The following PRDM6 variants were observed in gnomAD, a reference collection of about 807,000 sequenced individuals.
PRDM6 encodes the protein putative histone-lysine N-methyltransferase PRDM6.
PRDM6 carries 25 observed loss-of-function variants against 60.8 expected under a neutral mutation model. The observed-to-expected ratio is 0.41, with a 90% CI of 0.30 to 0.57. The LOEUF (loss-of-function observed/expected upper bound fraction) is 0.57. Among genes scored for constraint, PRDM6 ranks in the 20% least tolerant of loss-of-function variants. The probability of loss-of-function intolerance (pLI) is 0.27; values close to 1 mark genes in which losing one functional copy is unlikely to be tolerated. For synonymous variants in PRDM6, 407 were observed against 357.4 expected (o/e 1.14, Z -1.57); for missense variants, 839 against 821.3 (o/e 1.02, Z -0.26).
Position 123,187,396 on chromosome 5 carries a change from A to T in PRDM6, c.*195A>T. 1 of 448,372 alleles carries T rather than the reference A, an allele frequency of 2.2e-6. No individual in the cohort carries two copies. The highest frequency in any genetic ancestry group is 4.1e-6 in the Non-Finnish European group (1 of 242,370). The allele number at this position is 448,372 out of a possible 1,614,324, so 27.8% of individuals were successfully genotyped here. A position where few individuals can be genotyped will look rare whatever the true frequency, so the allele number is the denominator to read the frequency against. On this transcript the variant is annotated 3_prime_UTR_variant, in exon 8 of 8. Coordinates refer to ENST00000407847, the MANE Select transcript of PRDM6 (RefSeq NM_001136239.4). ...AGACCAGGAAAGAGATTATTTATTT[A>T]TGACTTAGGGATGAGACTTATTTCA...
intron 3 of PRDM6, among the ~76,000 whole-genome samples, chr5:123,139,372 G>T (rs932577152): frequency 1.3e-5 from 2 of 152,042 alleles, no homozygotes; most frequent in African/African-American, 4.8e-5. Flanking sequence ...AGAATCTCTT[G>T]GTGGATTCCG....
chr5:123,101,696 A>T (rs146674225), intron 3 of PRDM6, among the ~76,000 whole-genome samples: 3 of 152,332 alleles, frequency 2.0e-5, no homozygotes, highest in African/African-American at 7.2e-5. Flanking sequence ...CAAAGACATA[A>T]ACATGAACAA....
In PRDM6 at chr5:123,090,314, C is replaced by T. The variant is rs1277991362; in HGVS notation, c.300C>T (p.Ala100=). 6.2e-6 allele frequency: 9 copies of T among 1,460,458 alleles called. No individual in the cohort carries two copies. In the East Asian group the frequency reaches 2.1e-4, roughly 34 times the overall value. 90.5% of individuals were successfully genotyped at this position (1,460,458 alleles called of 1,614,324 possible). ...CCGCCTCCTCCTGCGCTGCTGCGGC[C>T]GCTGCCGCCGCGCTGGCTGGTCTCT... ...ASSASSCAAA[A]AAAALAGLSA... The change falls in exon 2 of 8, where the codon GCC becomes GCT. Residue 100 remains alanine, a synonymous_variant. Transcript: ENST00000407847.
At chr5:123,147,738 G>T (rs1447779192) in intron 3 of PRDM6, among the ~76,000 whole-genome samples, 3 of 152,344 alleles carry the variant, frequency 2.0e-5, no homozygotes, top group Admixed American at 6.5e-5. Flanking sequence ...TAAAGGTTCA[G>T]TGGCTTGTTC....
chr5:123,183,217 G>A (rs764691808), intron 7 of PRDM6, among the ~76,000 whole-genome samples: 10 of 152,160 alleles, frequency 6.6e-5, no homozygotes, highest in African/African-American at 4.8e-5. Context: ...ACCCTCAACT[G>A]TATGTCTTGG....
Position 123,090,438 on chromosome 5 carries a change from A to G in PRDM6, c.424A>G (p.Thr142Ala). The G allele has an allele frequency of 6.9e-7, 1 of 1,451,044 alleles. No individual in the cohort carries two copies. The highest frequency in any genetic ancestry group is 9.0e-7 in the Non-Finnish European group (1 of 1,111,608). The allele number at this position is 1,451,044 out of a possible 1,614,324, so 89.9% of individuals were successfully genotyped here. A position where few individuals can be genotyped will look rare whatever the true frequency, so the allele number is the denominator to read the frequency against. The part of the protein sequence containing the change: ...LPPKELCLGA[T>A]SGPGPVKCGG... Reference sequence around the variant, plus strand: ...CCCCAAGGAACTGTGCCTCGGCGCCACCTCCGGCCCCGGGCCCGTCAAGTG... The same window carrying G: ...CCCCAAGGAACTGTGCCTCGGCGCCGCCTCCGGCCCCGGGCCCGTCAAGTG... The change falls in exon 2 of 8, where the codon ACC becomes GCC. Residue 142 changes from threonine to alanine, a missense_variant. By Grantham distance (58) the Thr-to-Ala change is moderately conservative. Around this residue, in one of 2 missense-constraint regions of PRDM6, gnomAD observed 730 missense variants for 648.8 expected, o/e 1.13. Coordinates refer to ENST00000407847, the MANE Select transcript of PRDM6 (RefSeq NM_001136239.4).
rs1210151055 is a variant in PRDM6 at position 123,180,211 on chromosome 5, G to A, written c.1561G>A (p.Val521Ile). 1 of 1,552,158 alleles carries A rather than the reference G, an allele frequency of 6.4e-7. No individual in the cohort carries two copies. The highest frequency in any genetic ancestry group is 1.2e-5 in the South Asian group (1 of 84,064). Residue 521 changes from valine (V) to isoleucine (I), a missense_variant, in exon 7 of 8, where the codon GTC becomes ATC. Physicochemically the swap from Val to Ile is conservative, Grantham distance 29 (BLOSUM62 3). Around this residue, in one of 2 missense-constraint regions of PRDM6, gnomAD observed 109 missense variants for 172.6 expected, o/e 0.63. Transcript: ENST00000407847. Reference sequence around the variant, plus strand: ...GCCTTCAGAACTGAGGAACCACGTGGTCACTCACTCTAGTGACCGGCCTTT... The same window carrying A: ...GCCTTCAGAACTGAGGAACCACGTGATCACTCACTCTAGTGACCGGCCTTT... ...SQPSELRNHV[V>I]THSSDRPFKC...
chr5:123,129,045 G>C (rs188937991), intron 3 of PRDM6, among the ~76,000 whole-genome samples: 102 of 152,084 alleles, frequency 6.7e-4, no homozygotes, highest in African/African-American at 2.4e-3. Context: ...TCTTATTTTT[G>C]TCAGGTTTGT....
intron 3 of PRDM6, among the ~76,000 whole-genome samples, chr5:123,127,041 C>CTT (rs1161596698): frequency 2.1e-5 from 3 of 144,220 alleles, no homozygotes; most frequent in Non-Finnish European, 3.1e-5. Context: ...CAACACTTAA[C>CTT]TTTTTTTTTT....
At chr5:123,109,435 T>TG (rs1463787634) in intron 3 of PRDM6, among the ~76,000 whole-genome samples, 2 of 152,188 alleles carry the variant, frequency 1.3e-5, no homozygotes, top group Non-Finnish European at 2.9e-5. Flanking sequence ...TTGTCTCTAG[T>TG]GGACTCTGCA....
intron 3 of PRDM6, among the ~76,000 whole-genome samples, chr5:123,137,172 T>C (rs751161896): frequency 1.2e-4 from 19 of 152,198 alleles, no homozygotes; most frequent in Non-Finnish European, 2.4e-4. Flanking sequence ...CTAAGTTACT[T>C]GCACATATGT....
At chr5:123,182,153 C>G (rs895588517) in intron 7 of PRDM6, among the ~76,000 whole-genome samples, 34 of 152,316 alleles carry the variant, frequency 2.2e-4, no homozygotes, top group African/African-American at 7.9e-4. Flanking sequence ...CTAATCCACC[C>G]TAAGGAGCTG....
chr5:123,141,071 C>G (rs1362857309), intron 3 of PRDM6, among the ~76,000 whole-genome samples: 4 of 151,908 alleles, frequency 2.6e-5, no homozygotes, highest in Non-Finnish European at 5.9e-5. Flanking sequence ...TGCAATTTAT[C>G]ATGATTATAC....
intron 3 of PRDM6, among the ~76,000 whole-genome samples, chr5:123,144,520 G>C (rs932453647): frequency 2.0e-5 from 3 of 152,034 alleles, no homozygotes; most frequent in Admixed American, 1.3e-4. Context: ...TGAATGGGGT[G>C]GGGGGATGGT....
In PRDM6 at chr5:123,099,474, C is replaced by T. The variant is rs1209100029; in HGVS notation, c.593-180C>T. ...TGCGGCGAATTCCAAGGGAGCGGCG[C>T]GGGTTCTCTTCTCCTCCTCCTCTGA... On this transcript the variant is annotated intron_variant, in intron 2 of 7. Coordinates refer to ENST00000407847, the MANE Select transcript of PRDM6 (RefSeq NM_001136239.4). The surrounding 1 kb of genome is among the most constrained non-coding windows in gnomAD (Gnocchi z 4.0). 2.0e-5 allele frequency among the ~76,000 whole-genome samples: 3 copies of T among 152,176 alleles called. No homozygotes were observed. The highest frequency in any genetic ancestry group is 2.9e-5 in the Non-Finnish European group (2 of 68,022).
At chr5:123,106,657 C>T (rs1182991833) in intron 3 of PRDM6, among the ~76,000 whole-genome samples, 4 of 152,160 alleles carry the variant, frequency 2.6e-5, no homozygotes, top group South Asian at 2.1e-4. Flanking sequence ...GTCACTAATG[C>T]GTGATTATGG....
At chr5:123,145,003 G>A (rs1005353144) in intron 3 of PRDM6, among the ~76,000 whole-genome samples, 5 of 152,100 alleles carry the variant, frequency 3.3e-5, no homozygotes, top group African/African-American at 4.8e-5. Flanking sequence ...CCAACACAAG[G>A]CACTATATGC....
At chr5:123,143,300 T>C (rs556400752) in intron 3 of PRDM6, among the ~76,000 whole-genome samples, 6 of 152,258 alleles carry the variant, frequency 3.9e-5, no homozygotes, top group African/African-American at 1.4e-4. Flanking sequence ...TTTGTAGCCC[T>C]GCCTGAAGCT....
intron 6 of PRDM6, among the ~76,000 whole-genome samples, chr5:123,174,615 C>CT (rs1561880224): frequency 6.6e-6 from 1 of 152,164 alleles, no homozygotes; most frequent in East Asian, 1.9e-4. Flanking sequence ...ATCCAAGAGA[C>CT]TTTGTGTCTG....
Sources: allele counts gnomAD v4.1 joint callset (sites outside exome capture counted in the v4.1 genomes callset), GRCh38; gene constraint gnomAD v4.1.1; regional missense constraint gnomAD v4.1.1; non-coding constraint Gnocchi (gnomAD v3.1); transcripts MANE v1.5; gene names NCBI Gene and HGNC (gene_info 2026-07-23, HGNC 2026-07-21).